ELOVL2: variants seen among roughly 807,000 people sequenced by gnomAD.
ELOVL2 encodes ELOVL fatty acid elongase 2, also known as very long chain fatty acid elongase 2.
A neutral mutation model predicts 37.7 loss-of-function variants in ELOVL2; 38 were observed. The observed-to-expected ratio is 1.01, with a 90% CI of 0.78 to 1.32. The LOEUF (loss-of-function observed/expected upper bound fraction) is 1.32. Among genes scored for constraint, ELOVL2 ranks in the 40% most tolerant of loss-of-function variants. The pLI, the probability that ELOVL2 is intolerant of heterozygous loss-of-function variation, is 0.00. For missense variants in ELOVL2, 352 were observed against 363.6 expected (o/e 0.97, Z 0.26); for synonymous variants, 115 against 122.3 (o/e 0.94, Z 0.40).
At chr6:11,027,096 A>G (rs536550037) in intron 1 of ELOVL2, among the ~76,000 whole-genome samples, 6 of 152,342 alleles carry the variant, frequency 3.9e-5, no homozygotes, top group African/African-American at 1.2e-4. Context: ...AGAGATTTAT[A>G]TCTTTAGATA....
chr6:11,027,302 A>C (rs774180639), intron 1 of ELOVL2, among the ~76,000 whole-genome samples: 5 of 152,162 alleles, frequency 3.3e-5, no homozygotes, highest in African/African-American at 7.2e-5. Flanking sequence ...TTAGGAACAG[A>C]AATGAGCTCA....
At chr6:11,031,933 T>C (rs1330493519) in intron 1 of ELOVL2, among the ~76,000 whole-genome samples, 5 of 152,218 alleles carry the variant, frequency 3.3e-5, no homozygotes, top group African/African-American at 1.2e-4. Context: ...TTTGTAGTGC[T>C]ACTCCTCTCT....
chr6:10,986,071 G>A (rs1264110136), intron 7 of ELOVL2, among the ~76,000 whole-genome samples: 2 of 152,146 alleles, frequency 1.3e-5, no homozygotes, highest in Admixed American at 6.5e-5. Flanking sequence ...CACATCCCTT[G>A]TAAGTTGGAT....
At chr6:11,024,083 T>G (rs150054326) in intron 1 of ELOVL2, among the ~76,000 whole-genome samples, 220 of 152,294 alleles carry the variant, frequency 1.4e-3, no homozygotes, top group African/African-American at 5.1e-3. Context: ...CAGACAACTC[T>G]ATGGAGGGAG....
At chr6:11,041,263 C>T (rs1425767418) in intron 1 of ELOVL2, among the ~76,000 whole-genome samples, 2 of 152,144 alleles carry the variant, frequency 1.3e-5, no homozygotes. Flanking sequence ...ATAGCAGGGC[C>T]CTGTTTTCTG....
At chr6:10,989,660 C>T (rs1187940409) in intron 7 of ELOVL2, 43 bp downstream of exon 7, 3 of 1,583,854 alleles carry the variant, frequency 1.9e-6, no homozygotes, top group Admixed American at 3.6e-5. Context: ...AAAATAGTGC[C>T]AATCGATTAC....
intron 1 of ELOVL2, among the ~76,000 whole-genome samples, chr6:11,037,645 G>A (rs1783031634): frequency 6.6e-6 from 1 of 151,942 alleles, no homozygotes; most frequent in South Asian, 2.1e-4. Flanking sequence ...TAGGCAGTGA[G>A]CCCTCAAGTC....
intron 2 of ELOVL2, 119 bp from the exon 3 acceptor site, chr6:11,005,678 A>C: frequency 1.2e-6 from 1 of 800,554 alleles, no homozygotes; most frequent in Non-Finnish European, 1.9e-6. Context: ...TCCATACAAC[A>C]TTAGGTAGGC....
In ELOVL2 at chr6:10,982,481, A is replaced by G. The variant is rs930367428; in HGVS notation, c.*1300T>C. 7 of 152,214 alleles carry G rather than the reference A, an allele frequency of 4.6e-5. No homozygotes were observed. Among genetic ancestry groups the G allele is most frequent in the African/African-American group, 1.7e-4 (7 of 41,452 alleles). 9.4% of individuals were successfully genotyped at this position (152,214 alleles called of 1,614,324 possible). A position where few individuals can be genotyped will look rare whatever the true frequency, so the allele number is the denominator to read the frequency against. On this transcript the variant is annotated 3_prime_UTR_variant, in exon 8 of 8. Coordinates refer to ENST00000354666, the MANE Select transcript of ELOVL2 (RefSeq NM_017770.4). The stretch of plus-strand genomic sequence containing the variant: ...AGTTTTATTTTATAGGGTATAAATT[A>G]ATCTTCAAAAAAATCTTCAGAAAAT...
intron 2 of ELOVL2, among the ~76,000 whole-genome samples, chr6:11,006,963 TATC>T (rs1407006218): frequency 6.6e-6 from 1 of 152,266 alleles, no homozygotes; most frequent in African/African-American, 2.4e-5. Flanking sequence ...AGACAATTAT[TATC>T]ATTTTCTAAT....
chr6:10,986,249 G>A (rs900934381), intron 7 of ELOVL2, among the ~76,000 whole-genome samples: 3 of 152,200 alleles, frequency 2.0e-5, no homozygotes, highest in Admixed American at 1.3e-4. Flanking sequence ...GAGATTTTGG[G>A]CTGAGACATG....
intron 1 of ELOVL2, among the ~76,000 whole-genome samples, chr6:11,029,059 A>T (rs981339376): frequency 3.0e-5 from 1 of 33,456 alleles, no homozygotes; most frequent in African/African-American, 2.6e-4. Context: ...TGTCTCTACA[A>T]AAAAAAAAAA....
chr6:11,038,402 A>C (rs1228171227), intron 1 of ELOVL2, among the ~76,000 whole-genome samples: 1 of 151,896 alleles, frequency 6.6e-6, no homozygotes, highest in African/African-American at 2.4e-5. Flanking sequence ...AATCGCTTGA[A>C]CCCTGGAGTC....
At chr6:10,995,220 A>C (rs769923854) in intron 4 of ELOVL2, 42 bp from the exon 5 acceptor site, 25 of 1,481,826 alleles carry the variant, frequency 1.7e-5, no homozygotes, top group Non-Finnish European at 2.3e-5. Context: ...GAGAAATGGC[A>C]GTGTTCCTGG....
chr6:11,036,459 C>T (rs905468370), intron 1 of ELOVL2, among the ~76,000 whole-genome samples: 5 of 152,170 alleles, frequency 3.3e-5, no homozygotes, highest in South Asian at 2.1e-4. Context: ...GGGGCATTCT[C>T]TTCCTTACAA....
chr6:10,996,970 A>G (rs190725550), intron 4 of ELOVL2, among the ~76,000 whole-genome samples: 1 of 152,344 alleles, frequency 6.6e-6, no homozygotes, highest in Admixed American at 6.5e-5. Context: ...AGATGGCACC[A>G]CTGCACTCCA....
chr6:11,029,471 CAG>C (rs964726922), intron 1 of ELOVL2, among the ~76,000 whole-genome samples: 4 of 152,150 alleles, frequency 2.6e-5, no homozygotes, highest in African/African-American at 9.7e-5. Flanking sequence ...GGCCTGTACA[CAG>C]AGTAGAAGTT....
intron 1 of ELOVL2, among the ~76,000 whole-genome samples, chr6:11,028,060 C>T (rs72653724): frequency 0.18 from 27,886 of 152,052 alleles, 3,428 homozygotes; most frequent in East Asian, 0.44. Context: ...TCCCCAATGC[C>T]ATTCCTCCAA....
chr6:11,019,220 A>G (rs571351704), intron 1 of ELOVL2, among the ~76,000 whole-genome samples: 3 of 152,196 alleles, frequency 2.0e-5, no homozygotes, highest in Non-Finnish European at 2.9e-5. Context: ...ATGCAATTTA[A>G]AATTTTTATC....
Sources: gnomAD v4.1 joint callset for allele counts (sites outside exome capture counted in the v4.1 genomes callset) on GRCh38, gnomAD v4.1.1 for gene constraint, MANE v1.5 for transcripts, NCBI Gene and HGNC (gene_info 2026-07-23, HGNC 2026-07-21) for gene names.